SLC30A9: variants seen among roughly 807,000 people sequenced by gnomAD.
SLC30A9 encodes the protein solute carrier family 30 member 9.
Under a neutral mutation model 87.5 loss-of-function variants are expected in SLC30A9, and 58 were observed. The ratio of observed to expected loss-of-function variants is 0.66; its 90% confidence interval spans 0.54 to 0.82. The LOEUF is 0.82. Ranked by LOEUF, SLC30A9 falls within the 40% of genes least tolerant of loss-of-function variation. The pLI, the probability that SLC30A9 is intolerant of heterozygous loss-of-function variation, is 0.00. For synonymous variants in SLC30A9, 234 were observed against 233.0 expected, an observed-to-expected ratio of 1.00 and a Z score of -0.04; for missense variants, 557 against 679.1, an observed-to-expected ratio of 0.82 and a Z score of 2.00.
chr4:42,069,312 CAAATT>C (rs1443487239), intron 14 of SLC30A9, among the ~76,000 whole-genome samples: 15 of 151,892 alleles, frequency 9.9e-5, no homozygotes, highest in East Asian at 1.9e-4. Context: ...CTAATTTATT[CAAATT>C]AAATTAAATA....
intron 7 of SLC30A9, among the ~76,000 whole-genome samples, chr4:42,037,216 T>C (rs1577700142): frequency 6.6e-6 from 1 of 150,436 alleles, no homozygotes; most frequent in Non-Finnish European, 1.5e-5. Flanking sequence ...GGGCTAATCC[T>C]GTTTGCAAAA....
intron 4 of SLC30A9, 49 bp from the exon 5 acceptor site, chr4:42,022,788 TA>T: frequency 9.3e-7 from 1 of 1,074,070 alleles, no homozygotes; most frequent in Non-Finnish European, 1.4e-6. Context: ...TTTAAGTATA[TA>T]AACTATATGC....
Position 42,057,957 on chromosome 4 carries a change from C to T in SLC30A9, c.841-2234C>T, listed in dbSNP as rs569244340. On this transcript the variant is annotated intron_variant, in intron 9 of 17. Transcript: ENST00000264451. ...TCTCTACTAAAAATACAAAAATTAG[C>T]TGGGTGTGGTGGCACTTGCCTGTAG... 2.2e-4 allele frequency among the ~76,000 whole-genome samples: 33 copies of T among 152,138 alleles called. No homozygotes were observed. In the Middle Eastern group the frequency reaches 0.014, roughly 63 times the overall value.
chr4:42,078,421 T>C (rs1718641435), intron 17 of SLC30A9, 96 bp downstream of exon 17: 1 of 660,426 alleles, frequency 1.5e-6, no homozygotes, highest in East Asian at 2.9e-5. Flanking sequence ...ATCACATGCA[T>C]GCTTTAACCC....
intron 9 of SLC30A9, among the ~76,000 whole-genome samples, chr4:42,053,571 C>T (rs1204612372): frequency 2.0e-5 from 3 of 151,566 alleles, no homozygotes; most frequent in Non-Finnish European, 4.4e-5. Flanking sequence ...CCCATGTAAT[C>T]CCAGCTACTC....
intron 9 of SLC30A9, 134 bp downstream of exon 9, chr4:42,049,613 G>A: frequency 2.1e-6 from 1 of 466,484 alleles, no homozygotes; most frequent in East Asian, 3.3e-5. Flanking sequence ...TTACTTTTCA[G>A]CAATGAAGTG....
intron 1 of SLC30A9, among the ~76,000 whole-genome samples, chr4:41,996,076 A>G (rs1714685319): frequency 6.6e-6 from 1 of 151,824 alleles, no homozygotes; most frequent in Admixed American, 6.6e-5. Context: ...GTGGTATGAA[A>G]ATAAATTTGA....
chr4:42,010,703 G>A (rs1365866518), intron 2 of SLC30A9, among the ~76,000 whole-genome samples: 1 of 152,126 alleles, frequency 6.6e-6, no homozygotes, highest in Non-Finnish European at 1.5e-5. Context: ...CAGAACTTCT[G>A]ATCACAGTGG....
chr4:42,045,578 A>G (rs1717113295), intron 8 of SLC30A9, among the ~76,000 whole-genome samples: 2 of 101,968 alleles, frequency 2.0e-5, no homozygotes, highest in Non-Finnish European at 4.6e-5. Context: ...TTAATAGCCT[A>G]TCAACTAAAA....
chr4:42,029,225 C>G, intron 6 of SLC30A9: 1 of 429,860 alleles, frequency 2.3e-6, no homozygotes, highest in Non-Finnish European at 4.6e-6. Context: ...TGCAGGAAAG[C>G]CAATGAGGAG....
At chr4:42,041,395 C>T (rs1461855619) in intron 8 of SLC30A9, among the ~76,000 whole-genome samples, 4 of 152,092 alleles carry the variant, frequency 2.6e-5, no homozygotes, top group Non-Finnish European at 5.9e-5. Flanking sequence ...AGCGATTCTC[C>T]TTGCCTCAGC....
intron 4 of SLC30A9, among the ~76,000 whole-genome samples, chr4:42,022,054 G>A (rs1210629207): frequency 1.4e-5 from 1 of 71,028 alleles, no homozygotes. Flanking sequence ...TCCTGCCTCA[G>A]CCTCCCGAGT....
At chr4:42,035,395 C>G in intron 7 of SLC30A9, 62 bp downstream of exon 7, 1 of 1,556,374 alleles carries the variant, frequency 6.4e-7, no homozygotes, top group Non-Finnish European at 8.7e-7. Flanking sequence ...TAATATCAGT[C>G]CATTGTAAAA....
intron 14 of SLC30A9, 64 bp from the exon 15 acceptor site, chr4:42,070,462 C>G: frequency 7.5e-7 from 1 of 1,324,682 alleles, no homozygotes; most frequent in South Asian, 1.5e-5. Flanking sequence ...TCTTTGCTCT[C>G]TATAAAGTTC....
chr4:42,076,277 A>G (rs1456138132), intron 16 of SLC30A9, among the ~76,000 whole-genome samples: 1 of 152,216 alleles, frequency 6.6e-6, no homozygotes, highest in Non-Finnish European at 1.5e-5. Context: ...ACATTTTGCT[A>G]TAGTGTATTT....
chr4:42,012,050 TAAAG>T (rs3050334), intron 2 of SLC30A9, among the ~76,000 whole-genome samples: 98,115 of 151,604 alleles, frequency 0.65, 35,834 homozygotes, highest in East Asian at 0.96. Flanking sequence ...AATCAATATA[TAAAG>T]AGAGATGAGA....
chr4:42,083,105 C>T (rs1171002032), intron 17 of SLC30A9, among the ~76,000 whole-genome samples: 5 of 152,094 alleles, frequency 3.3e-5, no homozygotes, highest in Non-Finnish European at 7.4e-5. Flanking sequence ...GAAATTAGTT[C>T]ATTGGGAGGC....
intron 8 of SLC30A9, among the ~76,000 whole-genome samples, chr4:42,040,404 T>G (rs1716872114): frequency 2.0e-5 from 3 of 152,258 alleles, no homozygotes; most frequent in African/African-American, 7.2e-5. Context: ...GAGAGAAATC[T>G]GAGTTAGAGG....
chr4:42,013,180 G>A (rs1242112536), intron 2 of SLC30A9, among the ~76,000 whole-genome samples: 1 of 152,108 alleles, frequency 6.6e-6, no homozygotes, highest in Non-Finnish European at 1.5e-5. Flanking sequence ...TACTAGAGAA[G>A]CTGAGGTGGG....
Sources: allele counts gnomAD v4.1 joint callset (sites outside exome capture counted in the v4.1 genomes callset), GRCh38; gene constraint gnomAD v4.1.1; transcripts MANE v1.5; gene names NCBI Gene and HGNC (gene_info 2026-07-23, HGNC 2026-07-21).